The following PRELID2 variants were observed in gnomAD, a reference collection of about 807,000 sequenced individuals.
PRELID2 encodes the protein PRELI domain containing 2.
A neutral mutation model predicts 28.4 loss-of-function variants in PRELID2; 25 were observed. That is an observed-to-expected ratio of 0.88 (90% CI 0.64 to 1.23). PRELID2 has a LOEUF of 1.23. Among genes scored for constraint, PRELID2 ranks in the 50% most tolerant of loss-of-function variants. The pLI is 0.00. For missense variants in PRELID2, 201 were observed against 214.4 expected (o/e 0.94, Z 0.39); for synonymous variants, 76 against 71.6 (o/e 1.06, Z -0.31).
the PRELID2 span, among the ~76,000 whole-genome samples, chr5:145,293,551 T>C: frequency 6.6e-6 from 1 of 152,168 alleles, no homozygotes; most frequent in Non-Finnish European, 1.5e-5. Flanking sequence ...ACCATTTAAC[T>C]ATTATTTAAA....
At chr5:145,585,977 C>A (rs1297110877) in intron 1 of PRELID2, among the ~76,000 whole-genome samples, 1 of 152,090 alleles carries the variant, frequency 6.6e-6, no homozygotes, top group Non-Finnish European at 1.5e-5. Context: ...GCTCTTGAAA[C>A]CTAGAGAAAT....
chr5:145,509,795 T>A (rs1365241827), intron 1 of PRELID2, among the ~76,000 whole-genome samples: 3 of 152,188 alleles, frequency 2.0e-5, no homozygotes, highest in Non-Finnish European at 4.4e-5. Context: ...CTCTGACACA[T>A]CAAGCATCTT....
chr5:145,628,169 A>C (rs1753877873), intron 1 of PRELID2, among the ~76,000 whole-genome samples: 1 of 150,506 alleles, frequency 6.6e-6, no homozygotes, highest in Admixed American at 6.6e-5. Context: ...TAGGCAATCT[A>C]TACAGGTTCT....
At chr5:145,424,591 C>T in the PRELID2 span, among the ~76,000 whole-genome samples, 2,044 of 152,270 alleles carry the variant, frequency 0.013, 38 homozygotes, top group African/African-American at 0.046. Flanking sequence ...CACCCTGCTT[C>T]GGCTCGCGCA....
chr5:145,416,116 T>G, the PRELID2 span, among the ~76,000 whole-genome samples: 4 of 152,138 alleles, frequency 2.6e-5, no homozygotes, highest in Admixed American at 6.6e-5. Context: ...TCACCCACTT[T>G]TTGATGGGGT....
chr5:145,723,104 C>A (rs924539322), intron 1 of PRELID2, among the ~76,000 whole-genome samples: 3 of 151,936 alleles, frequency 2.0e-5, no homozygotes, highest in Non-Finnish European at 2.9e-5. Context: ...AAATTACAGA[C>A]CAATATAGCT....
At chr5:145,498,680 C>T (rs1752328665) in intron 1 of PRELID2, among the ~76,000 whole-genome samples, 2 of 152,116 alleles carry the variant, frequency 1.3e-5, no homozygotes, top group South Asian at 4.2e-4. Context: ...AGGCATGCAC[C>T]ACCATGCCCA....
chr5:145,295,558 C>A, the PRELID2 span, among the ~76,000 whole-genome samples: 1 of 152,038 alleles, frequency 6.6e-6, no homozygotes, highest in African/African-American at 2.4e-5. Context: ...CAAGGCAACT[C>A]CACAATGTGG....
chr5:145,607,069 C>A (rs931079017), intron 1 of PRELID2, among the ~76,000 whole-genome samples: 2 of 152,178 alleles, frequency 1.3e-5, no homozygotes, highest in Middle Eastern at 3.4e-3. Flanking sequence ...TTTTATATTT[C>A]TGTGGGGTCA....
chr5:145,653,128 C>A (rs549115964), intron 1 of PRELID2, among the ~76,000 whole-genome samples: 5 of 152,192 alleles, frequency 3.3e-5, no homozygotes, highest in East Asian at 1.9e-4. Context: ...AGACTTTAAA[C>A]CAACAAAGAT....
At chr5:145,693,066 A>G (rs1466191353) in intron 1 of PRELID2, among the ~76,000 whole-genome samples, 1 of 152,080 alleles carries the variant, frequency 6.6e-6, no homozygotes, top group Non-Finnish European at 1.5e-5. Flanking sequence ...AAAATTATGC[A>G]CTTTTAAAAA....
chr5:145,628,949 G>A (rs1753894938), intron 1 of PRELID2, among the ~76,000 whole-genome samples: 1 of 152,184 alleles, frequency 6.6e-6, no homozygotes, highest in African/African-American at 2.4e-5. Context: ...AGCACATACA[G>A]AAAGTCAAAA....
the PRELID2 span, among the ~76,000 whole-genome samples, chr5:145,386,591 C>G: frequency 6.6e-6 from 1 of 152,124 alleles, no homozygotes; most frequent in African/African-American, 2.4e-5. Context: ...AACCTCTTCA[C>G]TTTATAAATT....
At chr5:145,597,971 G>A (rs575545169) in intron 1 of PRELID2, among the ~76,000 whole-genome samples, 366 of 152,242 alleles carry the variant, frequency 2.4e-3, no homozygotes, top group African/African-American at 8.4e-3. Context: ...GATAGTAAAC[G>A]TAAGATGCTA....
intron 1 of PRELID2, among the ~76,000 whole-genome samples, chr5:145,540,014 T>C (rs1029856634): frequency 2.0e-5 from 3 of 151,822 alleles, no homozygotes; most frequent in African/African-American, 7.2e-5. Context: ...TGTAAAAATA[T>C]ATATAATTAG....
At chr5:145,599,491 C>T (rs147694830) in intron 1 of PRELID2, among the ~76,000 whole-genome samples, 3 of 152,274 alleles carry the variant, frequency 2.0e-5, no homozygotes, top group Non-Finnish European at 2.9e-5. Context: ...CTTCCTATCT[C>T]GGCCAATAGC....
chr5:145,523,763 G>T (rs1247771525), intron 1 of PRELID2, among the ~76,000 whole-genome samples: 1 of 152,016 alleles, frequency 6.6e-6, no homozygotes, highest in Non-Finnish European at 1.5e-5. Context: ...TACCAATTTT[G>T]GGAGAACACA....
intron 5 of PRELID2, among the ~76,000 whole-genome samples, chr5:145,793,297 G>C (rs566599687): frequency 6.6e-6 from 1 of 152,244 alleles, no homozygotes; most frequent in East Asian, 1.9e-4. Context: ...AAGTTTGTGA[G>C]TACCTAGTTT....
At chr5:145,824,762 CAGTGGCTCAGCTTTCAGCAACCTCA>C (rs1296950229) in intron 1 of PRELID2, among the ~76,000 whole-genome samples, 3 of 152,134 alleles carry the variant, frequency 2.0e-5, no homozygotes, top group Non-Finnish European at 2.9e-5. Context: ...ATGAAGAGAG[CAGTGGCTCAGCTTTCAGCAACCTCA>C]ATATCTCTTC....
Sources: gnomAD v4.1 joint callset for allele counts (sites outside exome capture counted in the v4.1 genomes callset) on GRCh38, gnomAD v4.1.1 for gene constraint, MANE v1.5 for transcripts, NCBI Gene and HGNC (gene_info 2026-07-23, HGNC 2026-07-21) for gene names.